MYO10: variants seen among roughly 807,000 people sequenced by gnomAD.
MYO10 encodes myosin X, also known as unconventional myosin-X.
A neutral mutation model predicts 257.3 loss-of-function variants in MYO10; 133 were observed. The observed-to-expected ratio is 0.52, with a 90% confidence interval of 0.45 to 0.60. MYO10 has a LOEUF of 0.60. MYO10 is among the 20% of genes least tolerant of loss of function. The pLI is 0.00. For synonymous variants in MYO10, 1,104 were observed against 1,028.6 expected (o/e 1.07, Z -1.40); for missense variants, 2,399 against 2,635.7 (o/e 0.91, Z 1.97).
intron 1 of MYO10, among the ~76,000 whole-genome samples, chr5:16,913,903 G>A (rs1389023262): frequency 6.6e-6 from 1 of 152,148 alleles, no homozygotes; most frequent in Non-Finnish European, 1.5e-5. Flanking sequence ...GAGCCAAGAG[G>A]CACCAGGAGG....
At chr5:16,861,708 T>C (rs910301322) in intron 2 of MYO10, among the ~76,000 whole-genome samples, 1 of 152,168 alleles carries the variant, frequency 6.6e-6, no homozygotes, top group East Asian at 1.9e-4. Flanking sequence ...ACTTAATCCC[T>C]GGGGCCTGCA....
At chr5:16,773,878 G>C (rs920110554) in intron 9 of MYO10, among the ~76,000 whole-genome samples, 3 of 152,098 alleles carry the variant, frequency 2.0e-5, no homozygotes, top group African/African-American at 7.2e-5. Context: ...AAGTGATTGG[G>C]CAAGTAGTTA....
rs764453647 is a variant in MYO10 at position 16,670,783 on chromosome 5, G to A, written c.5626C>T (p.Arg1876Trp). ...QSTKTFTPCERLEKRRTSFLE... is the reference protein window; with the variant it reads ...QSTKTFTPCEWLEKRRTSFLE... ...AAGCTCGTCCGCCTCTTCTCCAGCC[G>A]TTCACAAGGGGTGAAGGTTTTGGTT... Residue 1876 changes from arginine (R) to tryptophan (W), a missense_variant, in exon 39 of 41, where the codon CGG becomes TGG. This residue lies in a region of MYO10 where 1,820 missense variants were observed against 1,939.4 expected (regional missense o/e 0.94). Coordinates refer to ENST00000513610, the MANE Select transcript of MYO10 (RefSeq NM_012334.3). 17 of 1,613,888 alleles carry A rather than the reference G, an allele frequency of 1.1e-5. No homozygotes were observed. The highest frequency in any genetic ancestry group is 1.7e-5 in the Admixed American group (1 of 59,998).
chr5:16,734,997 GGGA>G (rs1213008567), intron 19 of MYO10, among the ~76,000 whole-genome samples: 2 of 152,024 alleles, frequency 1.3e-5, no homozygotes, highest in Admixed American at 1.3e-4. Context: ...CTTCCCTGAT[GGGA>G]GAACAGAAAA....
chr5:16,781,060 C>T (rs934059413), intron 6 of MYO10, among the ~76,000 whole-genome samples: 2 of 151,442 alleles, frequency 1.3e-5, no homozygotes, highest in Non-Finnish European at 2.9e-5. Context: ...AAAACAAATA[C>T]GGTTCTTTAT....
chr5:16,820,667 C>T (rs1177379638), intron 2 of MYO10, among the ~76,000 whole-genome samples: 1 of 152,168 alleles, frequency 6.6e-6, no homozygotes, highest in Non-Finnish European at 1.5e-5. Context: ...TACTAACTGT[C>T]ACTCTAGGTA....
chr5:16,855,024 C>A (rs1377586177), intron 2 of MYO10, among the ~76,000 whole-genome samples: 1 of 151,642 alleles, frequency 6.6e-6, no homozygotes, highest in African/African-American at 2.4e-5. Flanking sequence ...AACAGTGAGA[C>A]TCCATCTCAA....
At position 16,666,654 on chromosome 5, in the gene MYO10, C is replaced by T. The variant is rs762601904; in HGVS notation, c.*38G>A. 9 of 1,523,836 alleles carry T rather than the reference C, an allele frequency of 5.9e-6. No individual in the cohort carries two copies. In the African/African-American group the frequency reaches 8.2e-5, roughly 14 times the overall value. The allele number at this position is 1,523,836 out of a possible 1,614,324, so 94.4% of individuals were successfully genotyped here. ...AGCCAGCCTAGGCCAGAGGGTGGTG[C>T]GTTCAGGTAGCAAAGACAGGTGGGC... On this transcript the variant is annotated 3_prime_UTR_variant, in exon 41 of 41. Transcript: ENST00000513610.
intron 2 of MYO10, among the ~76,000 whole-genome samples, chr5:16,824,409 C>A (rs1039932072): frequency 6.6e-6 from 1 of 152,036 alleles, no homozygotes; most frequent in Non-Finnish European, 1.5e-5. Context: ...GGGCACAGAC[C>A]AGGAATGCTG....
chr5:16,815,677 T>A (rs1162712101), intron 3 of MYO10, among the ~76,000 whole-genome samples: 1 of 152,164 alleles, frequency 6.6e-6, no homozygotes, highest in African/African-American at 2.4e-5. Flanking sequence ...CACGACAGTG[T>A]CAAATATTTA....
intron 2 of MYO10, among the ~76,000 whole-genome samples, chr5:16,831,933 G>GGT (rs1480466737): frequency 2.0e-5 from 3 of 151,892 alleles, no homozygotes; most frequent in East Asian, 3.9e-4. Context: ...TAGGTTTTTG[G>GGT]GTGTGTGTGT....
chr5:16,860,026 G>A (rs1489889770), intron 2 of MYO10, among the ~76,000 whole-genome samples: 1 of 152,208 alleles, frequency 6.6e-6, no homozygotes, highest in Non-Finnish European at 1.5e-5. Context: ...GCTCAATGGA[G>A]GGGAAAGAAG....
At chr5:16,760,473 A>AG (rs1560970160) in intron 17 of MYO10, among the ~76,000 whole-genome samples, 3 of 151,584 alleles carry the variant, frequency 2.0e-5, no homozygotes, top group Non-Finnish European at 4.4e-5. Context: ...AAAAAAAAAA[A>AG]CAAACCAAAA....
chr5:16,783,898 A>C (rs1460774591), intron 4 of MYO10, among the ~76,000 whole-genome samples: 2 of 152,216 alleles, frequency 1.3e-5, no homozygotes, highest in African/African-American at 2.4e-5. Context: ...ATAAAAATGC[A>C]ATCATTCATG....
intron 19 of MYO10, chr5:16,713,277 A>G (rs1376727870): frequency 1.0e-6 from 1 of 975,862 alleles, no homozygotes; most frequent in African/African-American, 1.8e-5. Context: ...TATTAAAACT[A>G]AAGATATTAC....
At chr5:16,687,072 A>G (rs1358851549) in intron 28 of MYO10, among the ~76,000 whole-genome samples, 5 of 152,086 alleles carry the variant, frequency 3.3e-5, no homozygotes, top group African/African-American at 1.2e-4. Context: ...CTGTGATTCC[A>G]GCACTTTGGG....
Position 16,917,455 on chromosome 5 carries a change from T to G in MYO10, c.21+18333A>C, listed in dbSNP as rs142316896. On this transcript the variant is annotated intron_variant, in intron 1 of 40. Coordinates refer to ENST00000513610, the MANE Select transcript of MYO10 (RefSeq NM_012334.3). ...TCAGCTTCTACCCACTAGACACCAGTAGTCACCTCCCATCAGTGTTAACAA... is the reference window on the plus strand; with the variant it reads ...TCAGCTTCTACCCACTAGACACCAGGAGTCACCTCCCATCAGTGTTAACAA... Among the ~76,000 whole-genome samples, 8 of 152,186 alleles carry G rather than the reference T, an allele frequency of 5.3e-5. No homozygotes were observed. The East Asian group carries it at 1.5e-3, about 29-fold the overall frequency.
chr5:16,746,677 C>T lies in MYO10; in HGVS notation c.1929+8151G>A, dbSNP rs546634667. 5.9e-5 allele frequency among the ~76,000 whole-genome samples: 9 copies of T among 152,284 alleles called. 1 individual carries two copies. The South Asian group carries it at 1.9e-3, about 32-fold the overall frequency. Reference sequence around the variant, plus strand: ...GCAAAAAGGCCTGGAAACAGAAAAGCAAGGTGCCTATTTGTGGTGGATGAA... The same window carrying T: ...GCAAAAAGGCCTGGAAACAGAAAAGTAAGGTGCCTATTTGTGGTGGATGAA... On this transcript the variant is annotated intron_variant, in intron 19 of 40. Transcript: ENST00000513610.
chr5:16,929,157 G>C (rs1233962875), intron 1 of MYO10, among the ~76,000 whole-genome samples: 1 of 151,716 alleles, frequency 6.6e-6, no homozygotes, highest in Non-Finnish European at 1.5e-5. Flanking sequence ...GTTTCACCGT[G>C]TTAGCCAGGA....
Sources: gnomAD v4.1 joint callset for allele counts (sites outside exome capture counted in the v4.1 genomes callset) on GRCh38, gnomAD v4.1.1 for gene constraint, gnomAD v4.1.1 regional missense constraint, MANE v1.5 for transcripts, NCBI Gene and HGNC (gene_info 2026-07-23, HGNC 2026-07-21) for gene names.